GSG1L2: variants seen among roughly 807,000 people sequenced by gnomAD.
GSG1L2 encodes the protein germ cell-specific gene 1-like protein 2.
Under a neutral mutation model 9.0 loss-of-function variants are expected in GSG1L2, and 15 were observed. That is an observed-to-expected ratio of 1.67 (90% CI 1.12 to 2.57). The LOEUF is 2.57. Ranked by LOEUF, GSG1L2 falls within the 30% of genes most tolerant of loss-of-function variation. The probability of loss-of-function intolerance (pLI) is 0.00; values close to 1 mark genes in which losing one functional copy is unlikely to be tolerated. For synonymous variants in GSG1L2, 127 were observed against 57.9 expected (o/e 2.19, Z -5.41); for missense variants, 286 against 150.3 (o/e 1.90, Z -4.72).
At chr17:9,811,589 T>C (rs567216326) in intron 1 of GSG1L2, among the ~76,000 whole-genome samples, 1 of 152,346 alleles carries the variant, frequency 6.6e-6, no homozygotes, top group African/African-American at 2.4e-5. Context: ...TCTGGGGTCC[T>C]GTCCCAGCTG....
chr17:9,809,222 C>G, intron 2 of GSG1L2: 2 of 494,988 alleles, frequency 4.0e-6, no homozygotes, highest in Non-Finnish European at 3.7e-6. Flanking sequence ...GGCGGGGAAA[C>G]TAAGCAAAAC....
rs946189569 is a variant in GSG1L2 at position 9,811,013 on chromosome 17, G to A, written c.311-395C>T. 9 of 198,392 alleles carry A rather than the reference G, an allele frequency of 4.5e-5. No homozygotes were observed. In the Admixed American group the frequency reaches 4.8e-4, roughly 11 times the overall value. 12.3% of individuals were successfully genotyped at this position (198,392 alleles called of 1,614,324 possible). A position where few individuals can be genotyped will look rare whatever the true frequency, so the allele number is the denominator to read the frequency against. ...CCAACCTGAAAAGTCTATACAGAATGAGCTAAAAATAAATGTGTTGGTTTA... is the reference window on the plus strand; with the variant it reads ...CCAACCTGAAAAGTCTATACAGAATAAGCTAAAAATAAATGTGTTGGTTTA... On this transcript the variant is annotated intron_variant, in intron 1 of 4. Transcript: ENST00000399363.
rs1243562494 is a variant in GSG1L2, at chr17:9,801,742, CT to C, written c.*643del. Among the ~76,000 whole-genome samples, 5 of 152,340 alleles carry C rather than the reference CT, an allele frequency of 3.3e-5. No homozygotes were observed. The East Asian group carries it at 9.6e-4, about 29-fold the overall frequency. On this transcript the variant is annotated 3_prime_UTR_variant, in exon 5 of 5. Coordinates refer to ENST00000399363, the MANE Select transcript of GSG1L2 (RefSeq NM_001310219.2). ...CAGAACAACTCAAACATGTGTTCCA[CT>C]TAAACTAAGATAAGATGTCATTCCA...
intron 1 of GSG1L2, among the ~76,000 whole-genome samples, chr17:9,815,583 T>A (rs980083605): frequency 1.3e-5 from 2 of 152,374 alleles, no homozygotes; most frequent in Admixed American, 6.5e-5. Context: ...TGTGCTAATG[T>A]GCGTTGTGAA....
chr17:9,816,445 CG>C (rs2066560959), intron 1 of GSG1L2, among the ~76,000 whole-genome samples: 1 of 136,138 alleles, frequency 7.3e-6, no homozygotes, highest in African/African-American at 2.8e-5. Context: ...TCTCTGTGTG[CG>C]TGTGTCTGTG....
In GSG1L2 at chr17:9,815,626, T is replaced by A. The variant is rs140829162; in HGVS notation, c.311-5008A>T. ...GAAGAAAATGTAACATATTACGGAA[T>A]CTTTTCCAGTTTGTTGGACTTCAAG... On this transcript the variant is annotated intron_variant, in intron 1 of 4. Transcript: ENST00000399363. Among the ~76,000 whole-genome samples the A allele has an allele frequency of 2.3e-3, 350 of 152,360 alleles. 3 individuals are homozygous for A. The highest frequency in any genetic ancestry group is 0.013 in the South Asian group (63 of 4,830).
intron 1 of GSG1L2, among the ~76,000 whole-genome samples, chr17:9,814,371 A>C (rs1326991553): frequency 6.6e-6 from 1 of 152,214 alleles, no homozygotes; most frequent in East Asian, 1.9e-4. Context: ...TAAGACTCAG[A>C]GGCCTTTTCT....
In GSG1L2 at chr17:9,816,896, C is replaced by CTGTGTGTGTGTCTCTG. The variant is rs201299125; in HGVS notation, c.310+4865_310+4866insCAGAGACACACACACA. On this transcript the variant is annotated intron_variant, in intron 1 of 4. Coordinates refer to ENST00000399363, the MANE Select transcript of GSG1L2 (RefSeq NM_001310219.2). ...TGTGTGTGTATCTGTGTGTGTGTAT[C>CTGTGTGTGTGTCTCTG]TGTGTGTGTGTATCTGTGTGTGTGT... Among the ~76,000 whole-genome samples the CTGTGTGTGTGTCTCTG allele has an allele frequency of 5.5e-3, 741 of 134,962 alleles. 12 individuals are homozygous for CTGTGTGTGTGTCTCTG. Among genetic ancestry groups the CTGTGTGTGTGTCTCTG allele is most frequent in the African/African-American group, 0.019 (670 of 35,326 alleles). The allele number at this position is 134,962 out of a possible 152,430, so 88.5% of individuals were successfully genotyped here. A position where few individuals can be genotyped will look rare whatever the true frequency, so the allele number is the denominator to read the frequency against.
rs1458667365 is a variant in GSG1L2, at chr17:9,820,717, C to A, written c.310+1045G>T. On this transcript the variant is annotated intron_variant, in intron 1 of 4. Transcript: ENST00000399363. This position sits in a 1 kb window ranked among gnomAD's most constrained non-coding sequence, Gnocchi z 4.9. ...TCGCTCTATCATTCAGGCTGGAGGG[C>A]AGTCACACGATGATGACTCACTGCA... Among the ~76,000 whole-genome samples the A allele has an allele frequency of 6.6e-6, 1 of 151,272 alleles. No homozygotes were observed.
At chr17:9,802,686 G>A (rs1459162785) in intron 4 of GSG1L2, 42 bp from the exon 5 acceptor site, 2 of 692,570 alleles carry the variant, frequency 2.9e-6, no homozygotes, top group South Asian at 3.0e-5. Context: ...TGAGGGCTGT[G>A]ATTCCAGGAC....
rs1401063251 is a variant in GSG1L2 at position 9,808,351 on chromosome 17, CT to C, written c.511+478del. On this transcript the variant is annotated intron_variant, in intron 3 of 4. Coordinates refer to ENST00000399363, the MANE Select transcript of GSG1L2 (RefSeq NM_001310219.2). ...GGAATATTTGTACCAAATGTTGATA[CT>C]TTTTTTAAAACTACCATGTATTACT... Among the ~76,000 whole-genome samples the C allele has an allele frequency of 5.3e-5, 8 of 152,244 alleles. No individual in the cohort carries two copies. The East Asian group carries it at 1.4e-3, about 26-fold the overall frequency.
intron 2 of GSG1L2, 78 bp from the exon 3 acceptor site, chr17:9,809,060 T>C (rs1425094728): frequency 1.6e-5 from 11 of 677,250 alleles, no homozygotes; most frequent in East Asian, 5.4e-5. Flanking sequence ...TTTGATTTAG[T>C]TCACTTCTAA....
intron 1 of GSG1L2, among the ~76,000 whole-genome samples, chr17:9,816,564 A>C (rs1038342165): frequency 7.9e-5 from 7 of 88,766 alleles, no homozygotes; most frequent in Admixed American, 2.6e-4. Flanking sequence ...GTGTGCATGC[A>C]TATCTGTGTC....
chr17:9,816,739 G>GCA (rs2066566098), intron 1 of GSG1L2, among the ~76,000 whole-genome samples: 3 of 111,466 alleles, frequency 2.7e-5, no homozygotes, highest in African/African-American at 8.9e-5. Context: ...GTGTGCATGT[G>GCA]TGTATCTGTG....
chr17:9,802,764 A>G, intron 4 of GSG1L2, 120 bp from the exon 5 acceptor site: 1 of 614,422 alleles, frequency 1.6e-6, no homozygotes, highest in Non-Finnish European at 2.9e-6. Flanking sequence ...CTCAGTTTGG[A>G]CCTGCATTTT....
In GSG1L2 at chr17:9,808,812, G is replaced by C. The variant is rs1449430398; in HGVS notation, c.511+18C>G. 2 of 702,544 alleles carry C rather than the reference G, an allele frequency of 2.8e-6. No individual in the cohort carries two copies. The highest frequency in any genetic ancestry group is 4.0e-5 in the Admixed American group (2 of 49,994). 43.5% of individuals were successfully genotyped at this position (702,544 alleles called of 1,614,324 possible). On this transcript the variant is annotated intron_variant, in intron 3 of 4. Coordinates refer to ENST00000399363, the MANE Select transcript of GSG1L2 (RefSeq NM_001310219.2). ...TCCCTCTGGGGCAGCCTGTTCCAAG[G>C]ATGCTGTTGGAAAGTACCTGCCAGC...
intron 4 of GSG1L2, chr17:9,804,195 G>T (rs1225311386): frequency 6.6e-6 from 1 of 152,242 alleles, no homozygotes; most frequent in Non-Finnish European, 1.5e-5. Flanking sequence ...GAAAGTGTCT[G>T]CAATGAGGGC....
At chr17:9,821,036 G>A (rs774196462) in intron 1 of GSG1L2, among the ~76,000 whole-genome samples, 45 of 152,218 alleles carry the variant, frequency 3.0e-4, no homozygotes, top group Admixed American at 1.2e-3. Flanking sequence ...AATGGAAAAA[G>A]AAAAGGCAAT....
intron 3 of GSG1L2, 54 bp from the exon 4 acceptor site, chr17:9,807,655 C>G: frequency 1.4e-6 from 1 of 701,980 alleles, no homozygotes; most frequent in South Asian, 1.5e-5. Flanking sequence ...GATGGAAGAA[C>G]TCTACGCGGT....
Sources: allele counts gnomAD v4.1 joint callset (sites outside exome capture counted in the v4.1 genomes callset), GRCh38; gene constraint gnomAD v4.1.1; non-coding constraint Gnocchi (gnomAD v3.1); transcripts MANE v1.5; gene names NCBI Gene and HGNC (gene_info 2026-07-23, HGNC 2026-07-21).